Variants in APCDD1L observed in about 807,000 individuals in gnomAD.
The protein encoded by APCDD1L is protein APCDD1-like.
A neutral mutation model predicts 24.2 loss-of-function variants in APCDD1L; 21 were observed. The ratio of observed to expected loss-of-function variants is 0.87; its 90% CI spans 0.61 to 1.25. The LOEUF (loss-of-function observed/expected upper bound fraction) is 1.25, where lower values mean the gene tolerates loss of function less well. APCDD1L is among the 50% of genes most tolerant of loss of function. The probability of loss-of-function intolerance (pLI) is 0.00; values close to 1 mark genes in which losing one functional copy is unlikely to be tolerated. For missense variants in APCDD1L, 704 were observed against 711.7 expected (o/e 0.99, Z 0.12); for synonymous variants, 321 against 323.6 (o/e 0.99, Z 0.09).
chr20:58,461,318 G>A lies in APCDD1L; in HGVS notation c.978C>T (p.Pro326=), dbSNP rs747759496. ...GGCCGGCGGCATACACGGTGAAGGT[G>A]GGCTGCCGGCAGGCTGGGTCTGAGA... is the stretch of plus-strand genomic sequence containing the variant. ...HHFSDPACRQ[P]TFTVYAAGRY... is the part of the protein sequence containing the mutation. Residue 326 remains proline (P), a synonymous_variant, in exon 4 of 4, where the codon CCC becomes CCT. Coordinates refer to ENST00000371149, the MANE Select transcript of APCDD1L (RefSeq NM_153360.3). The surrounding 1 kb of genome is among the most constrained non-coding windows in gnomAD (Gnocchi z 6.0). The A allele has an allele frequency of 3.7e-6, 6 of 1,604,690 alleles. No individual in the cohort carries two copies. The East Asian group carries it at 1.3e-4, about 36-fold the overall frequency.
chr20:58,470,848 G>C (rs1989799587), intron 1 of APCDD1L, 101 bp from the exon 2 acceptor site: 2 of 1,439,140 alleles, frequency 1.4e-6, no homozygotes, highest in Admixed American at 5.1e-5. Flanking sequence ...GCCAGGCAGG[G>C]CTGTCCCGCA....
At chr20:58,480,308 G>A (rs969197152) in intron 1 of APCDD1L, among the ~76,000 whole-genome samples, 8 of 152,182 alleles carry the variant, frequency 5.3e-5, no homozygotes, top group Admixed American at 3.3e-4. Flanking sequence ...AAGGCTGCCC[G>A]AGAAAGTCAG....
At chr20:58,472,622 A>G (rs1007727996) in intron 1 of APCDD1L, among the ~76,000 whole-genome samples, 1 of 152,254 alleles carries the variant, frequency 6.6e-6, no homozygotes, top group African/African-American at 2.4e-5. Flanking sequence ...ATCTTGGTTC[A>G]TCCTGCAACT....
At chr20:58,482,737 C>T (rs1170966969) in intron 1 of APCDD1L, among the ~76,000 whole-genome samples, 6 of 152,184 alleles carry the variant, frequency 3.9e-5, no homozygotes, top group African/African-American at 1.4e-4. Flanking sequence ...TGACTGCCTC[C>T]ATCTTACAGA....
intron 3 of APCDD1L, among the ~76,000 whole-genome samples, chr20:58,464,067 GT>G (rs1008275253): frequency 5.9e-5 from 9 of 152,122 alleles, no homozygotes; most frequent in East Asian, 3.8e-4. Context: ...AAAAATGTTT[GT>G]GATGGGAGCA....
chr20:58,512,138 C>T (rs1990640885), intron 1 of APCDD1L, among the ~76,000 whole-genome samples: 1 of 152,186 alleles, frequency 6.6e-6, no homozygotes, highest in African/African-American at 2.4e-5. Flanking sequence ...GCCATGCGGA[C>T]ATGTTCAGAT....
At chr20:58,492,392 T>C (rs1990239054) in intron 1 of APCDD1L, among the ~76,000 whole-genome samples, 1 of 152,212 alleles carries the variant, frequency 6.6e-6, no homozygotes, top group Non-Finnish European at 1.5e-5. Context: ...AAGTTGGTAT[T>C]TCACAAAAGA....
chr20:58,513,990 G>C (rs2123203620), intron 1 of APCDD1L: 3 of 1,273,746 alleles, frequency 2.4e-6, no homozygotes, highest in Non-Finnish European at 3.1e-6. Flanking sequence ...CTGGGCCCCT[G>C]TGATGGCACA....
At chr20:58,483,470 C>A (rs1243489593) in intron 1 of APCDD1L, among the ~76,000 whole-genome samples, 1 of 152,154 alleles carries the variant, frequency 6.6e-6, no homozygotes, top group Non-Finnish European at 1.5e-5. Flanking sequence ...AATTTCATGT[C>A]TATTTTGACT....
chr20:58,483,583 G>A, intron 1 of APCDD1L, among the ~76,000 whole-genome samples: 1 of 152,238 alleles, frequency 6.6e-6, no homozygotes, highest in East Asian at 1.9e-4. Flanking sequence ...GAATGAGCTA[G>A]TTGATGTGGA....
Position 58,467,139 on chromosome 20 carries a change from G to A in APCDD1L, c.708C>T (p.Pro236=), listed in dbSNP as rs1201043406. Residue 236 remains proline, a synonymous_variant, in exon 3 of 4, where the codon CCC becomes CCT. Coordinates refer to ENST00000371149, the MANE Select transcript of APCDD1L (RefSeq NM_153360.3). The surrounding 1 kb of genome is among the most constrained non-coding windows in gnomAD (Gnocchi z 5.9). The part of the protein sequence containing the change: ...TDPAERRHYR[P]TGYQRPLQSA... ...TCTGCAGCGGGCGCTGGTAGCCCGT[G>A]GGCCGGTAGTGCCGCCTCTCCGCCG... is the stretch of plus-strand genomic sequence containing the variant. 1 of 1,608,070 alleles carries A rather than the reference G, an allele frequency of 6.2e-7. No individual in the cohort carries two copies. Among genetic ancestry groups the A allele is most frequent in the South Asian group, 1.1e-5 (1 of 91,002 alleles).
Position 58,507,213 on chromosome 20 carries a change from A to T in APCDD1L, c.49+7446T>A, listed in dbSNP as rs562258919. Among the ~76,000 whole-genome samples the T allele has an allele frequency of 6.8e-4, 104 of 152,304 alleles. 1 individual carries two copies. Among genetic ancestry groups the T allele is most frequent in the African/African-American group, 2.4e-3 (98 of 41,554 alleles). Reference sequence around the variant, plus strand: ...AAGTTCTCTCTCTTTGCCTGCTGCCATCCTTGTAAGATGTGACTTGCTCCT... The same window carrying T: ...AAGTTCTCTCTCTTTGCCTGCTGCCTTCCTTGTAAGATGTGACTTGCTCCT... On this transcript the variant is annotated intron_variant, in intron 1 of 3. Transcript: ENST00000371149.
intron 1 of APCDD1L, among the ~76,000 whole-genome samples, chr20:58,506,079 T>TGAGATCTGA (rs1990523856): frequency 6.6e-6 from 1 of 152,080 alleles, no homozygotes; most frequent in East Asian, 1.9e-4. Flanking sequence ...TAGTACTTTG[T>TGAGATCTGA]TATGACAGCC....
At chr20:58,465,173 T>C (rs1223223708) in intron 3 of APCDD1L, among the ~76,000 whole-genome samples, 1 of 152,164 alleles carries the variant, frequency 6.6e-6, no homozygotes, top group Non-Finnish European at 1.5e-5. Context: ...GCTAGCGCCT[T>C]CTCTGAACTA....
Position 58,508,272 on chromosome 20 carries a change from G to A in APCDD1L, c.49+6387C>T, listed in dbSNP as rs1990557852. 1.3e-5 allele frequency among the ~76,000 whole-genome samples: 2 copies of A among 152,186 alleles called. No individual in the cohort carries two copies. Among genetic ancestry groups the A allele is most frequent in the Admixed American group, 1.3e-4 (2 of 15,292 alleles). On this transcript the variant is annotated intron_variant, in intron 1 of 3. Transcript: ENST00000371149. The surrounding 1 kb of genome is among the most constrained non-coding windows in gnomAD (Gnocchi z 4.0). The stretch of plus-strand genomic sequence containing the variant: ...GGCTCTGAGTGACTGCTTCATGGTG[G>A]TGCTTCCAGCCCAGCAGCCACTATC...
rs1989733998 is a variant in APCDD1L at position 58,467,434 on chromosome 20, C to T, written c.413G>A (p.Ser138Asn). 11 of 1,575,924 alleles carry T rather than the reference C, an allele frequency of 7.0e-6. No individual in the cohort carries two copies. The highest frequency in any genetic ancestry group is 9.5e-6 in the Non-Finnish European group (11 of 1,163,340). ...GGTGACGTCGACCAGGGCCCGGCGG[C>T]TGTGGAAGACGATGCCCACCTTGTG... is the stretch of plus-strand genomic sequence containing the variant. ...HLHKVGIVFH[S>N]RRALVDVTGR... The change falls in exon 3 of 4, where the codon AGC (serine) becomes AAC (asparagine). Residue 138 changes from serine (S) to asparagine (N), a missense_variant. Coordinates refer to ENST00000371149, the MANE Select transcript of APCDD1L (RefSeq NM_153360.3). This position sits in a 1 kb window ranked among gnomAD's most constrained non-coding sequence, Gnocchi z 5.9.
At chr20:58,502,726 CAA>C (rs56192014) in intron 1 of APCDD1L, among the ~76,000 whole-genome samples, 24 of 99,654 alleles carry the variant, frequency 2.4e-4, no homozygotes, top group African/African-American at 2.6e-4. Context: ...TTAAGCAGAA[CAA>C]AAAAAAAAAA....
At chr20:58,505,164 C>T (rs745334278) in intron 1 of APCDD1L, among the ~76,000 whole-genome samples, 1 of 152,138 alleles carries the variant, frequency 6.6e-6, no homozygotes, top group Non-Finnish European at 1.5e-5. Context: ...ATGCCTCCTC[C>T]ATGAAAACAT....
Position 58,467,036 on chromosome 20 carries a change from G to C in APCDD1L, c.741+70C>G. ...CAGGCCCAGGTCTTGCAAAGCTGCG[G>C]GGCTGGGTTCCGAGCTCGCCTCCCC... On this transcript the variant is annotated intron_variant, in intron 3 of 3. Transcript: ENST00000371149. The surrounding 1 kb of genome is among the most constrained non-coding windows in gnomAD (Gnocchi z 5.9). 1 of 1,511,720 alleles carries C rather than the reference G, an allele frequency of 6.6e-7. No homozygotes were observed. Among genetic ancestry groups the C allele is most frequent in the African/African-American group, 1.4e-5 (1 of 70,430 alleles). 93.6% of individuals were successfully genotyped at this position (1,511,720 alleles called of 1,614,324 possible). A position where few individuals can be genotyped will look rare whatever the true frequency, so the allele number is the denominator to read the frequency against.
Sources: allele counts gnomAD v4.1 joint callset (sites outside exome capture counted in the v4.1 genomes callset), GRCh38; gene constraint gnomAD v4.1.1; non-coding constraint Gnocchi (gnomAD v3.1); transcripts MANE v1.5; gene names NCBI Gene and HGNC (gene_info 2026-07-23, HGNC 2026-07-21).